ZNF486: variants seen among roughly 807,000 people sequenced by gnomAD.
ZNF486 encodes the protein KRAB box only protein 2.
ZNF486 carries 12 observed loss-of-function variants against 12.8 expected under a neutral mutation model. The ratio of observed to expected loss-of-function variants is 0.94; its 90% CI spans 0.60 to 1.52. The LOEUF is 1.52. Ranked by LOEUF, ZNF486 falls within the 40% of genes most tolerant of loss-of-function variation. The probability of loss-of-function intolerance (pLI) is 0.00; values close to 1 mark genes in which losing one functional copy is unlikely to be tolerated. For synonymous variants in ZNF486, 231 were observed against 184.9 expected (o/e 1.25, Z -2.02); for missense variants, 738 against 545.0 (o/e 1.35, Z -3.53).
intron 1 of ZNF486, among the ~76,000 whole-genome samples, chr19:20,183,250 A>T (rs1172807391): frequency 6.6e-6 from 1 of 152,168 alleles, no homozygotes; most frequent in African/African-American, 2.4e-5. Flanking sequence ...TCTGTTGGGG[A>T]AAATTGTGGT....
intron 3 of ZNF486, among the ~76,000 whole-genome samples, chr19:20,193,298 C>CT (rs782490115): frequency 0.09 from 12,806 of 142,708 alleles, 760 homozygotes; most frequent in African/African-American, 0.18. Context: ...TATGTACCAT[C>CT]TTTTTTTTTT....
intron 1 of ZNF486, among the ~76,000 whole-genome samples, chr19:20,169,554 A>C (rs1269557182): frequency 6.6e-6 from 1 of 152,202 alleles, no homozygotes; most frequent in African/African-American, 2.4e-5. Flanking sequence ...ACAGGTAGTT[A>C]AGATTAAGGT....
chr19:20,177,802 T>C (rs188741011), intron 1 of ZNF486, among the ~76,000 whole-genome samples: 144 of 152,234 alleles, frequency 9.5e-4, no homozygotes, highest in Non-Finnish European at 1.5e-3. Context: ...TCTCAAACTC[T>C]TGACCTCAGG....
intron 1 of ZNF486, among the ~76,000 whole-genome samples, chr19:20,171,403 C>T (rs143384558): frequency 2.6e-5 from 4 of 152,344 alleles, no homozygotes; most frequent in African/African-American, 9.6e-5. Context: ...AACGTGTCCA[C>T]ACTCCTCCCA....
chr19:20,190,085 C>T (rs1340081372), intron 3 of ZNF486, among the ~76,000 whole-genome samples: 1 of 152,116 alleles, frequency 6.6e-6, no homozygotes, highest in East Asian at 1.9e-4. Context: ...CTCATAGCAA[C>T]TTTTTGAAAG....
At chr19:20,175,350 T>TTTTTTTTTTTTTTTTTTTTTTTTTTTAA in intron 1 of ZNF486, 1 of 142,172 alleles carries the variant, frequency 7.0e-6, no homozygotes, top group South Asian at 2.3e-4. Flanking sequence ...TTTTTTTTTT[T>TTTTTTTTTTTTTTTTTTTTTTTTTTTAA]ATTGATCATT....
chr19:20,196,182 T>C (rs369419896), intron 3 of ZNF486, among the ~76,000 whole-genome samples: 7 of 152,272 alleles, frequency 4.6e-5, no homozygotes, highest in African/African-American at 1.7e-4. Context: ...GCCTGGCTAA[T>C]TTGTTTGTAT....
At chr19:20,168,336 G>T (rs1036583481) in intron 1 of ZNF486, among the ~76,000 whole-genome samples, 1 of 150,590 alleles carries the variant, frequency 6.6e-6, no homozygotes, top group African/African-American at 2.5e-5. Flanking sequence ...TTAAGTGTGC[G>T]TGACAGAGCA....
chr19:20,168,633 A>G (rs2089611415), intron 1 of ZNF486, among the ~76,000 whole-genome samples: 1 of 151,786 alleles, frequency 6.6e-6, no homozygotes, highest in Non-Finnish European at 1.5e-5. Flanking sequence ...CAGCCTGGGC[A>G]ACAACAGCGA....
At chr19:20,179,379 T>A (rs936517991) in intron 1 of ZNF486, among the ~76,000 whole-genome samples, 12 of 152,250 alleles carry the variant, frequency 7.9e-5, no homozygotes, top group Non-Finnish European at 1.3e-4. Flanking sequence ...TAAATACTAC[T>A]AATCAAAGTG....
chr19:20,193,678 AT>A (rs1555717527), intron 3 of ZNF486, among the ~76,000 whole-genome samples: 3 of 151,842 alleles, frequency 2.0e-5, no homozygotes, highest in African/African-American at 7.3e-5. Flanking sequence ...AAAAAAAAAT[AT>A]GTCTTTTGAT....
chr19:20,198,030 C>T lies in ZNF486; in HGVS notation c.1320C>T (p.Gly440=), dbSNP rs1555718396. Residue 440 remains glycine, a synonymous_variant, in exon 4 of 4, where the codon GGC becomes GGT. Transcript: ENST00000335117. ...GEKPYKCKEC[G]KAFNWSSDLN... ...AACCTTACAAATGTAAAGAATGTGG[C>T]AAAGCTTTTAACTGGTCCTCAGACC... The T allele has an allele frequency of 1.2e-6, 2 of 1,612,748 alleles. No individual in the cohort carries two copies. The highest frequency in any genetic ancestry group is 1.3e-5 in the African/African-American group (1 of 74,994).
chr19:20,189,119 G>A (rs536043810), intron 3 of ZNF486, among the ~76,000 whole-genome samples: 3 of 152,116 alleles, frequency 2.0e-5, no homozygotes, highest in Non-Finnish European at 1.5e-5. Flanking sequence ...CTGTCACCCA[G>A]GCTGAAGTGC....
chr19:20,178,272 C>T (rs1467021724), intron 1 of ZNF486, among the ~76,000 whole-genome samples: 2 of 150,626 alleles, frequency 1.3e-5, no homozygotes, highest in African/African-American at 2.4e-5. Context: ...GACAAAGTCT[C>T]ACTCTGTCAC....
rs183045557 is a variant in ZNF486 at position 20,187,724 on chromosome 19, C to T, written c.253+1642C>T. On this transcript the variant is annotated intron_variant, in intron 3 of 3. Coordinates refer to ENST00000335117, the MANE Select transcript of ZNF486 (RefSeq NM_052852.4). ...TTCACCGTGTTAGCCAGGATGGTCT[C>T]GATCTCCTGACCTCGTGATCCATCC... is the stretch of plus-strand genomic sequence containing the variant. Among the ~76,000 whole-genome samples the T allele has an allele frequency of 5.3e-5, 8 of 152,026 alleles. No homozygotes were observed. In the East Asian group the frequency reaches 7.7e-4, roughly 15 times the overall value.
intron 1 of ZNF486, among the ~76,000 whole-genome samples, chr19:20,179,129 A>T (rs1599703145): frequency 6.6e-6 from 1 of 152,346 alleles, no homozygotes; most frequent in East Asian, 1.9e-4. Context: ...ATGAAAGTGC[A>T]GTTATGTCTT....
chr19:20,196,571 T>G (rs1346403344), intron 3 of ZNF486, among the ~76,000 whole-genome samples: 1 of 151,840 alleles, frequency 6.6e-6, no homozygotes, highest in African/African-American at 2.4e-5. Context: ...CTCAAGTGAT[T>G]CACCCATCTC....
rs533533354 is a variant in ZNF486, at chr19:20,184,084, T to C, written c.31-272T>C. 3.9e-5 allele frequency among the ~76,000 whole-genome samples: 6 copies of C among 152,360 alleles called. No individual in the cohort carries two copies. In the East Asian group the frequency reaches 9.6e-4, roughly 24 times the overall value. On this transcript the variant is annotated intron_variant, in intron 1 of 3. Coordinates refer to ENST00000335117, the MANE Select transcript of ZNF486 (RefSeq NM_052852.4). The stretch of plus-strand genomic sequence containing the variant: ...ATGATGTAAATATAGCACTCAAAAA[T>C]GTACATGTTCATGTTCATGCCCTTT...
At chr19:20,167,918 T>C (rs527999335) in intron 1 of ZNF486, among the ~76,000 whole-genome samples, 6 of 152,216 alleles carry the variant, frequency 3.9e-5, no homozygotes, top group Non-Finnish European at 7.4e-5. Context: ...ACCCTACCCC[T>C]TTTTCTCCCT....
Sources: gnomAD v4.1 joint callset for allele counts (sites outside exome capture counted in the v4.1 genomes callset) on GRCh38, gnomAD v4.1.1 for gene constraint, MANE v1.5 for transcripts, NCBI Gene and HGNC (gene_info 2026-07-23, HGNC 2026-07-21) for gene names.